The following MOV10 variants were observed in gnomAD, a reference collection of about 807,000 sequenced individuals.
The protein encoded by MOV10 is Mov10 RNA helicase, also known as RNA helicase MOV-10.
A neutral mutation model predicts 108.4 loss-of-function variants in MOV10; 39 were observed. The observed-to-expected ratio is 0.36, with a 90% CI of 0.28 to 0.47. MOV10 has a LOEUF of 0.47. Among genes scored for constraint, MOV10 ranks in the 20% least tolerant of loss-of-function variants. The pLI is 1.00. For synonymous variants in MOV10, 490 were observed against 523.1 expected (o/e 0.94, Z 0.86); for missense variants, 952 against 1,297.6 (o/e 0.73, Z 4.09).
chr1:112,694,044 C>T lies in MOV10; in HGVS notation c.1167C>T (p.Pro389=). The part of the protein sequence containing the change: ...LEVPGVTESR[P]SVLRGDHLFA... The stretch of plus-strand genomic sequence containing the variant: ...TTCCTGGAGTGACTGAGAGCCGCCC[C>T]TCAGTGCTACGGGGCGACCACCTGT... The change falls in exon 8 of 21, where the codon CCC becomes CCT. Residue 389 remains proline (P), a synonymous_variant. Transcript: ENST00000369645. The surrounding 1 kb of genome is among the most constrained non-coding windows in gnomAD (Gnocchi z 4.1). 1.9e-6 allele frequency: 3 copies of T among 1,614,054 alleles called. No homozygotes were observed. The South Asian group carries it at 3.3e-5, about 18-fold the overall frequency.
chr1:112,689,554 C>T lies in MOV10; in HGVS notation c.481C>T (p.Gln161Ter). The change falls in exon 4 of 21, where the codon CAG becomes TAG. Residue 161 changes from glutamine (Q) to a stop codon, truncating the protein, a stop_gained. Coordinates refer to ENST00000369645, the MANE Select transcript of MOV10 (RefSeq NM_001321324.2). LOFTEE classifies it high-confidence loss of function. Reference protein sequence around the residue: ...LTLRLRNGGTQSVTLTHLFPL... With the variant: ...LTLRLRNGGT ...CCTGAGGCTTCGGAATGGCGGAACC[C>T]AGTCTGTTACCCTCACTCACCTCTT... 6.2e-7 allele frequency: 1 copy of T among 1,614,240 alleles called. No homozygotes were observed. The highest frequency in any genetic ancestry group is 8.5e-7 in the Non-Finnish European group (1 of 1,180,046).
intron 16 of MOV10, 109 bp downstream of exon 16, chr1:112,698,587 C>T (rs367753206): frequency 2.9e-5 from 42 of 1,439,726 alleles, no homozygotes; most frequent in African/African-American, 1.5e-4. Flanking sequence ...CTGCTGGCTC[C>T]GTATCTCAGA....
chr1:112,696,136 C>T lies in MOV10; in HGVS notation c.1780-12C>T, dbSNP rs1472115828. 9.4e-6 allele frequency: 15 copies of T among 1,599,634 alleles called. No individual in the cohort carries two copies. Among genetic ancestry groups the T allele is most frequent in the Non-Finnish European group, 1.3e-5 (15 of 1,168,928 alleles). The stretch of plus-strand genomic sequence containing the variant: ...GCCAAGCTGATTCCTCTGGTCCCTT[C>T]ACAATCCACAGCCCTGCTGCAACTG... On this transcript the variant is annotated splice_polypyrimidine_tract_variant and intron_variant, in intron 11 of 20. Coordinates refer to ENST00000369645, the MANE Select transcript of MOV10 (RefSeq NM_001321324.2).
chr1:112,682,898 C>G (rs946450107), intron 2 of MOV10, among the ~76,000 whole-genome samples: 1 of 148,758 alleles, frequency 6.7e-6, no homozygotes, highest in Non-Finnish European at 1.5e-5. Context: ...TGGGGCTCTT[C>G]TGAATGAAGC....
chr1:112,681,819 A>G (rs746567998), intron 2 of MOV10, among the ~76,000 whole-genome samples: 5 of 152,130 alleles, frequency 3.3e-5, no homozygotes, highest in Non-Finnish European at 7.4e-5. Context: ...AATTATTATT[A>G]ATTATTTAGC....
intron 10 of MOV10, among the ~76,000 whole-genome samples, 199 bp from the exon 11 acceptor site, chr1:112,695,217 C>G (rs1673961465): frequency 6.6e-6 from 1 of 151,932 alleles, no homozygotes. Flanking sequence ...GAGACTCTGT[C>G]TCAAAAAAAA....
At chr1:112,674,779 AG>A (rs1206790641) in intron 1 of MOV10, 50 bp downstream of exon 1, 114 of 831,924 alleles carry the variant, frequency 1.4e-4, no homozygotes, top group Admixed American at 8.8e-4. Context: ...GGGAGCCCGC[AG>A]GATCAGGGGT....
chr1:112,690,348 CTGTTT>C (rs976411123), intron 5 of MOV10, among the ~76,000 whole-genome samples: 2 of 152,158 alleles, frequency 1.3e-5, no homozygotes, highest in African/African-American at 4.8e-5. Flanking sequence ...GTAGACATCT[CTGTTT>C]TGTTTTGTTT....
rs1276208450 is a variant in MOV10 at position 112,699,776 on chromosome 1, T to C, written c.2675T>C (p.Leu892Pro). The change falls in exon 18 of 21, where the codon CTG becomes CCG. Residue 892 changes from leucine (L) to proline (P), a missense_variant. Coordinates refer to ENST00000369645, the MANE Select transcript of MOV10 (RefSeq NM_001321324.2). ...RSSQSFVQLD[L>P]DFNLGFLKNP... ...AGCCAGAGCTTTGTGCAGCTGGATC[T>C]GGACTTTAATCTGGGTTTCCTTAAG... 2.5e-6 allele frequency: 4 copies of C among 1,614,132 alleles called. No homozygotes were observed. In the African/African-American group the frequency reaches 5.3e-5, roughly 22 times the overall value.
At chr1:112,689,324 G>T (rs1673357707) in intron 3 of MOV10, 91 bp from the exon 4 acceptor site, 2 of 1,336,682 alleles carry the variant, frequency 1.5e-6, no homozygotes, top group Non-Finnish European at 2.1e-6. Context: ...CTGGCACTTT[G>T]CCTGCCTCCC....
chr1:112,696,517 G>C lies in MOV10; in HGVS notation c.1964G>C (p.Ser655Thr). 6.2e-7 allele frequency: 1 copy of C among 1,614,002 alleles called. No homozygotes were observed. The highest frequency in any genetic ancestry group is 1.3e-5 in the African/African-American group (1 of 75,026). The part of the protein sequence containing the change: ...DEAGHCMEPE[S>T]LVAIAGLMEV... ...GCTGGCCACTGCATGGAGCCTGAGA[G>C]TCTGGTAGCTATAGCAGGTGAGGGA... Residue 655 changes from serine to threonine, a missense_variant, in exon 13 of 21, where the codon AGT becomes ACT. Around this residue, in one of 5 missense-constraint regions of MOV10, gnomAD observed 453 missense variants for 611.5 expected, o/e 0.74. Transcript: ENST00000369645.
chr1:112,675,059 G>A lies in MOV10; in HGVS notation c.137+10G>A, dbSNP rs1672071780. Reference sequence around the variant, plus strand: ...GCGACTTCAAGATCAGGTACGGGCCGGCCCACTCCCGGCCCCGAATCGCGG... The same window carrying A: ...GCGACTTCAAGATCAGGTACGGGCCAGCCCACTCCCGGCCCCGAATCGCGG... On this transcript the variant is annotated intron_variant, in intron 2 of 20. Coordinates refer to ENST00000369645, the MANE Select transcript of MOV10 (RefSeq NM_001321324.2). The surrounding 1 kb of genome is among the most constrained non-coding windows in gnomAD (Gnocchi z 4.7). 1.2e-5 allele frequency: 19 copies of A among 1,584,676 alleles called. No individual in the cohort carries two copies. Among genetic ancestry groups the A allele is most frequent in the Non-Finnish European group, 1.5e-5 (17 of 1,167,812 alleles).
chr1:112,696,742 G>A lies in MOV10; in HGVS notation c.2094G>A (p.Leu698=). 1.2e-6 allele frequency: 2 copies of A among 1,606,428 alleles called. No homozygotes were observed. Among genetic ancestry groups the A allele is most frequent in the Non-Finnish European group, 1.7e-6 (2 of 1,176,278 alleles). ...CCCCACTGACCCAGAAGCATGGACT[G>A]GGATACTCACTGCTGGAGCGGCTGC... ...LRSPLTQKHG[L]GYSLLERLLT... is the part of the protein sequence containing the mutation. The change falls in exon 14 of 21, where the codon CTG becomes CTA. Residue 698 remains leucine, a synonymous_variant. Transcript: ENST00000369645.
At chr1:112,699,838 A>ATTC (rs1275095843) in intron 18 of MOV10, 28 bp downstream of exon 18, 1 of 1,613,888 alleles carries the variant, frequency 6.2e-7, no homozygotes, top group South Asian at 1.1e-5. Context: ...GGTGGCAGGA[A>ATTC]TTCTTCCATT....
intron 2 of MOV10, among the ~76,000 whole-genome samples, chr1:112,682,292 T>C (rs3013433): frequency 0.77 from 117,389 of 152,058 alleles, 45,622 homozygotes; most frequent in East Asian, 0.91. Context: ...GGCATGAACA[T>C]AGCTCACTGC....
At chr1:112,680,372 TTG>T (rs1376710851) in intron 2 of MOV10, among the ~76,000 whole-genome samples, 1 of 151,874 alleles carries the variant, frequency 6.6e-6, no homozygotes, top group Non-Finnish European at 1.5e-5. Flanking sequence ...AAAAATACTT[TTG>T]GGCCGGGCGC....
At chr1:112,680,751 G>A (rs1422060613) in intron 2 of MOV10, among the ~76,000 whole-genome samples, 1 of 132,936 alleles carries the variant, frequency 7.5e-6, no homozygotes, top group Non-Finnish European at 1.5e-5. Flanking sequence ...CACTTAGGCT[G>A]GAGTGCAGTG....
chr1:112,691,688 T>C lies in MOV10; in HGVS notation c.860T>C (p.Leu287Ser). ...AGCGCTAAGGGCTATGACCTGGAGT[T>C]AAGTATGGCGCTGGGGACATACTAC... is the stretch of plus-strand genomic sequence containing the variant. ...PDRAKGYDLE[L>S]SMALGTYYPP... The change falls in exon 6 of 21, where the codon TTA becomes TCA. Residue 287 changes from leucine (L) to serine (S), a missense_variant. By Grantham distance (145) the Leu-to-Ser change is moderately radical. Transcript: ENST00000369645. 6.2e-6 allele frequency: 10 copies of C among 1,614,092 alleles called. No homozygotes were observed. Among genetic ancestry groups the C allele is most frequent in the Non-Finnish European group, 8.5e-6 (10 of 1,180,018 alleles).
At position 112,675,051 on chromosome 1, in the gene MOV10, TA is replaced by T; in HGVS notation, c.137+3del. The stretch of plus-strand genomic sequence containing the variant: ...TTATAACCGCGACTTCAAGATCAGG[TA>T]CGGGCCGGCCCACTCCCGGCCCCGA... On this transcript the variant is annotated splice_donor_region_variant and intron_variant, in intron 2 of 20. Transcript: ENST00000369645. The surrounding 1 kb of genome is among the most constrained non-coding windows in gnomAD (Gnocchi z 4.7). The T allele has an allele frequency of 6.3e-7, 1 of 1,593,884 alleles. No individual in the cohort carries two copies. Among genetic ancestry groups the T allele is most frequent in the Non-Finnish European group, 8.5e-7 (1 of 1,170,920 alleles).
Sources: gnomAD v4.1 joint callset for allele counts (sites outside exome capture counted in the v4.1 genomes callset) on GRCh38, gnomAD v4.1.1 for gene constraint, gnomAD v4.1.1 regional missense constraint, Gnocchi (gnomAD v3.1) non-coding constraint, MANE v1.5 for transcripts, NCBI Gene and HGNC (gene_info 2026-07-23, HGNC 2026-07-21) for gene names.